The following TRMT10B variants were observed in gnomAD, a reference collection of about 807,000 sequenced individuals.
TRMT10B encodes tRNA methyltransferase 10B, also known as tRNA methyltransferase 10 homolog B.
Under a neutral mutation model 43.8 loss-of-function variants are expected in TRMT10B, and 33 were observed. The ratio of observed to expected loss-of-function variants is 0.75; its 90% CI spans 0.57 to 1.01. TRMT10B has a LOEUF of 1.01. TRMT10B is among the 50% of genes least tolerant of loss of function. The pLI is 0.00. For synonymous variants in TRMT10B, 137 were observed against 130.6 expected, an observed-to-expected ratio of 1.05 and a Z score of -0.34; for missense variants, 362 against 369.8, an observed-to-expected ratio of 0.98 and a Z score of 0.17.
chr9:37,754,156 A>AG (rs1825326061), intron 1 of TRMT10B, among the ~76,000 whole-genome samples: 1 of 152,198 alleles, frequency 6.6e-6, no homozygotes, highest in South Asian at 2.1e-4. Flanking sequence ...CTGCCAACCT[A>AG]GGGTGGGGGT....
chr9:37,776,309 T>C lies in TRMT10B; in HGVS notation c.748T>C (p.Tyr250His), dbSNP rs1476438152. The change falls in exon 8 of 9, where the codon TAC (tyrosine) becomes CAC (histidine). Residue 250 changes from tyrosine (Y) to histidine (H), a missense_variant. Transcript: ENST00000297994. ...KKVTFQKARE[Y>H]SVKTARLPIQ... The stretch of plus-strand genomic sequence containing the variant: ...GGTGACATTTCAAAAGGCCCGGGAA[T>C]ACTCTGTCAAGACCGCACGCTTGCC... 3 of 1,593,052 alleles carry C rather than the reference T, an allele frequency of 1.9e-6. No homozygotes were observed. Among genetic ancestry groups the C allele is most frequent in the Non-Finnish European group, 2.6e-6 (3 of 1,171,112 alleles).
chr9:37,773,337 T>C (rs529586311), intron 7 of TRMT10B, among the ~76,000 whole-genome samples: 1 of 151,754 alleles, frequency 6.6e-6, no homozygotes, highest in African/African-American at 2.4e-5. Flanking sequence ...CTCAGGCTGG[T>C]CTTGAACTCC....
chr9:37,770,805 C>G, intron 7 of TRMT10B, 66 bp downstream of exon 7: 1 of 1,536,712 alleles, frequency 6.5e-7, no homozygotes, highest in Non-Finnish European at 9.0e-7. Context: ...AGGCATGTGC[C>G]CTGTTATAGT....
chr9:37,776,498 T>G (rs1286130334), intron 8 of TRMT10B, 93 bp downstream of exon 8: 1 of 1,427,894 alleles, frequency 7.0e-7, no homozygotes, highest in African/African-American at 1.6e-5. Context: ...GTCTCCTCTG[T>G]GACTAATGTG....
Position 37,761,896 on chromosome 9 carries a change from T to C in TRMT10B, c.-29-7T>C. ...GTAATAGCTCACATAATTGTGCCTT[T>C]TTCCAGTCTGGTGGAAAGGACAGAG... On this transcript the variant is annotated splice_polypyrimidine_tract_variant and splice_region_variant and intron_variant, in intron 1 of 8. Transcript: ENST00000297994. 4 of 1,575,180 alleles carry C rather than the reference T, an allele frequency of 2.5e-6. No homozygotes were observed. Among genetic ancestry groups the C allele is most frequent in the Non-Finnish European group, 3.5e-6 (4 of 1,155,142 alleles).
chr9:37,763,471 C>A (rs1210896058), intron 3 of TRMT10B, among the ~76,000 whole-genome samples, 158 bp from the exon 4 acceptor site: 1 of 152,210 alleles, frequency 6.6e-6, no homozygotes, highest in Non-Finnish European at 1.5e-5. Context: ...AGAGCCCATA[C>A]TCCTCACCAC....
At chr9:37,769,308 TAAAAA>T (rs57651814) in intron 5 of TRMT10B, among the ~76,000 whole-genome samples, 719 of 60,696 alleles carry the variant, frequency 0.012, 10 homozygotes, top group African/African-American at 0.045. Flanking sequence ...ACCCTGTCTT[TAAAAA>T]AAAAAAAAAA....
chr9:37,766,954 C>T (rs1472795034), intron 4 of TRMT10B: 2 of 152,120 alleles, frequency 1.3e-5, no homozygotes, highest in African/African-American at 2.4e-5. Flanking sequence ...AGCTAGGAGA[C>T]CTTATCTACG....
intron 2 of TRMT10B, 40 bp downstream of exon 2, chr9:37,762,157 G>A (rs777990272): frequency 7.0e-6 from 11 of 1,574,062 alleles, no homozygotes; most frequent in Non-Finnish European, 9.5e-6. Context: ...CTTGAATGAT[G>A]GAATGTCTCA....
chr9:37,775,308 C>T (rs1828021527), intron 7 of TRMT10B, among the ~76,000 whole-genome samples: 2 of 152,094 alleles, frequency 1.3e-5, no homozygotes, highest in East Asian at 3.9e-4. Context: ...TGTTAATTAT[C>T]CCAGTAATCT....
In TRMT10B at chr9:37,755,254, G is replaced by A. The variant is rs1825512108; in HGVS notation, c.-30+1402G>A. ...CCACTGCACTCCAGCCTGGGCGACA[G>A]AGTAAGACTCCGTCTTTTTTTTTTT... is the stretch of plus-strand genomic sequence containing the variant. On this transcript the variant is annotated intron_variant, in intron 1 of 8. Transcript: ENST00000297994. 2.1e-5 allele frequency among the ~76,000 whole-genome samples: 3 copies of A among 145,962 alleles called. No individual in the cohort carries two copies. In the Admixed American group the frequency reaches 2.1e-4, roughly 10 times the overall value.
intron 1 of TRMT10B, among the ~76,000 whole-genome samples, chr9:37,757,629 T>C (rs182658332): frequency 1.2e-3 from 178 of 152,368 alleles, no homozygotes; most frequent in African/African-American, 4.1e-3. Flanking sequence ...GTTCACATGA[T>C]AAGTCATGAA....
At chr9:37,753,003 A>C (rs150726168), upstream of TRMT10B, among the ~76,000 whole-genome samples, 9 of 152,156 alleles carry the variant, frequency 5.9e-5, no homozygotes, top group African/African-American at 2.2e-4. Flanking sequence ...TTTGTGAGCT[A>C]TAACACTCGC....
intron 7 of TRMT10B, 78 bp from the exon 8 acceptor site, chr9:37,776,201 CTTA>C (rs1487586205): frequency 7.0e-5 from 82 of 1,176,082 alleles, no homozygotes; most frequent in Non-Finnish European, 8.7e-5. Context: ...CAATAGGCTA[CTTA>C]TTTTTAATGC....
chr9:37,764,507 G>A (rs966258832), intron 4 of TRMT10B, among the ~76,000 whole-genome samples: 12 of 151,946 alleles, frequency 7.9e-5, no homozygotes, highest in African/African-American at 2.9e-4. Context: ...ATTTTTAGTA[G>A]AGATGGGGTT....
At chr9:37,776,554 AAG>A (rs1443330280) in intron 8 of TRMT10B, 149 bp downstream of exon 8, 7 of 988,634 alleles carry the variant, frequency 7.1e-6, no homozygotes, top group African/African-American at 6.8e-5. Context: ...TCTGGCCACT[AAG>A]AGGCATTCTG....
chr9:37,776,171 C>T, intron 7 of TRMT10B, 111 bp from the exon 8 acceptor site: 4 of 922,964 alleles, frequency 4.3e-6, no homozygotes, highest in Non-Finnish European at 6.0e-6. Flanking sequence ...AACTCATTAT[C>T]TGCAGTTTCT....
chr9:37,771,449 A>AGGGAGATG (rs35896203), intron 7 of TRMT10B, among the ~76,000 whole-genome samples: 2 of 151,836 alleles, frequency 1.3e-5, no homozygotes, highest in Non-Finnish European at 2.9e-5. Context: ...ATATAGGTAG[A>AGGGAGATG]GGTAGATGTG....
chr9:37,774,237 A>AG (rs1487697706), intron 7 of TRMT10B, among the ~76,000 whole-genome samples: 1 of 152,134 alleles, frequency 6.6e-6, no homozygotes, highest in Non-Finnish European at 1.5e-5. Context: ...GCTGGGCTGA[A>AG]GTTACCCACC....
Sources: gnomAD v4.1 joint callset for allele counts (sites outside exome capture counted in the v4.1 genomes callset) on GRCh38, gnomAD v4.1.1 for gene constraint, MANE v1.5 for transcripts, NCBI Gene and HGNC (gene_info 2026-07-23, HGNC 2026-07-21) for gene names.